Variants in CEMIP observed in about 807,000 individuals in gnomAD.
CEMIP encodes the protein cell migration inducing hyaluronidase 1, also known as cell migration-inducing and hyaluronan-binding protein.
Under a neutral mutation model 156.9 loss-of-function variants are expected in CEMIP, and 105 were observed. The observed-to-expected ratio is 0.67, with a 90% CI of 0.57 to 0.79. CEMIP has a LOEUF of 0.79. Among genes scored for constraint, CEMIP ranks in the 30% least tolerant of loss-of-function variants. The probability of loss-of-function intolerance (pLI) is 0.00; values close to 1 mark genes in which losing one functional copy is unlikely to be tolerated. For missense variants in CEMIP, 1,457 were observed against 1,769.4 expected (o/e 0.82, Z 3.17); for synonymous variants, 676 against 668.4 (o/e 1.01, Z -0.17).
intron 1 of CEMIP, among the ~76,000 whole-genome samples, chr15:80,810,987 C>T (rs1458375394): frequency 6.6e-6 from 1 of 152,148 alleles, no homozygotes; most frequent in African/African-American, 2.4e-5. Flanking sequence ...ACCAACCTAC[C>T]CATCACGCAG....
chr15:80,903,472 G>A (rs1316872062), intron 12 of CEMIP, among the ~76,000 whole-genome samples: 5 of 152,210 alleles, frequency 3.3e-5, no homozygotes, highest in Admixed American at 2.0e-4. Flanking sequence ...GAAGCTCTGA[G>A]ATGTAAAATA....
intron 1 of CEMIP, among the ~76,000 whole-genome samples, chr15:80,801,296 A>T (rs1417019369): frequency 6.6e-6 from 1 of 152,182 alleles, no homozygotes; most frequent in Admixed American, 6.5e-5. Context: ...TCTGTTTTGT[A>T]TCTATCGGCA....
At chr15:80,926,218 T>C (rs8030638) in intron 19 of CEMIP, among the ~76,000 whole-genome samples, 56,548 of 152,122 alleles carry the variant, frequency 0.37, 12,995 homozygotes, top group African/African-American at 0.65. Flanking sequence ...CGCAGTTAGC[T>C]AGAGTTTGAA....
At chr15:80,844,576 G>T (rs1244067293) in intron 1 of CEMIP, among the ~76,000 whole-genome samples, 1 of 152,182 alleles carries the variant, frequency 6.6e-6, no homozygotes, top group Non-Finnish European at 1.5e-5. Flanking sequence ...GCTCAGAGAG[G>T]AATGTCTATT....
intron 17 of CEMIP, among the ~76,000 whole-genome samples, chr15:80,922,516 T>A (rs147195118): frequency 6.6e-6 from 1 of 152,254 alleles, no homozygotes; most frequent in East Asian, 1.9e-4. Flanking sequence ...TTAGGCCTGA[T>A]CCATAAGCTG....
intron 3 of CEMIP, among the ~76,000 whole-genome samples, chr15:80,874,611 C>A (rs1898409615): frequency 6.6e-6 from 1 of 152,200 alleles, no homozygotes; most frequent in African/African-American, 2.4e-5. Flanking sequence ...CTGTAATGCT[C>A]TAAGCCAGGT....
chr15:80,873,006 A>G (rs1038652688), intron 1 of CEMIP, among the ~76,000 whole-genome samples: 1 of 152,138 alleles, frequency 6.6e-6, no homozygotes, highest in Non-Finnish European at 1.5e-5. Flanking sequence ...CAGCCATCAC[A>G]TCTTCTTTCC....
intron 14 of CEMIP, among the ~76,000 whole-genome samples, chr15:80,911,614 A>G (rs1465876433): frequency 6.6e-6 from 1 of 152,186 alleles, no homozygotes; most frequent in Non-Finnish European, 1.5e-5. Flanking sequence ...GACCACTGGC[A>G]AGCTACTTGA....
Position 80,880,992 on chromosome 15 carries a change from AG to A in CEMIP, c.474del (p.Lys158AsnfsTer7). 1.2e-6 allele frequency: 2 copies of A among 1,614,178 alleles called. No homozygotes were observed. The highest frequency in any genetic ancestry group is 1.7e-6 in the Non-Finnish European group (2 of 1,180,022). ...GCTCTTGAGTTGCATGGACAGAAAA[AG>A]CTCTCCTGGACATTTCTGAACAAGA... ...GGALELHGQKKLSWTFLNKTL... is the reference protein window; with the variant it reads ...GGALELHGQKXLSWTFLNKTL... On this transcript the variant is annotated frameshift_variant, in exon 6 of 30. Coordinates refer to ENST00000394685, the MANE Select transcript of CEMIP (RefSeq NM_001293298.2). LOFTEE classifies it high-confidence loss of function.
chr15:80,790,258 G>C (rs902462351), intron 1 of CEMIP, among the ~76,000 whole-genome samples: 1 of 152,182 alleles, frequency 6.6e-6, no homozygotes, highest in Non-Finnish European at 1.5e-5. Flanking sequence ...TGAGTCCTGC[G>C]TCTGAACACC....
At chr15:80,839,406 G>C (rs1053833202) in intron 1 of CEMIP, among the ~76,000 whole-genome samples, 1 of 151,960 alleles carries the variant, frequency 6.6e-6, no homozygotes, top group Non-Finnish European at 1.5e-5. Flanking sequence ...TGTCCCAAGT[G>C]GGGGAGGGAG....
At chr15:80,929,411 G>A (rs370079419) in intron 21 of CEMIP, among the ~76,000 whole-genome samples, 13 of 152,320 alleles carry the variant, frequency 8.5e-5, no homozygotes, top group East Asian at 5.8e-4. Flanking sequence ...ATCAAAATGC[G>A]TAATGCATTC....
At chr15:80,907,413 A>G (rs973102490) in intron 13 of CEMIP, among the ~76,000 whole-genome samples, 2 of 152,082 alleles carry the variant, frequency 1.3e-5, no homozygotes, top group Non-Finnish European at 2.9e-5. Context: ...AAATACAAAA[A>G]TTAGCTGGGC....
chr15:80,833,723 C>T (rs1897209550), intron 1 of CEMIP, among the ~76,000 whole-genome samples: 1 of 148,006 alleles, frequency 6.8e-6, no homozygotes, highest in Non-Finnish European at 1.5e-5. Flanking sequence ...GGCTGGAGTG[C>T]AGTGGCATGA....
At position 80,909,837 on chromosome 15, in the gene CEMIP, T is replaced by C. The variant is rs1357077242; in HGVS notation, c.1797+531T>C. Reference sequence around the variant, plus strand: ...TTCCACAGATAATTTTCGTACTAAATTGACCTTTCTCGAAGTGAACTACAT... The same window carrying C: ...TTCCACAGATAATTTTCGTACTAAACTGACCTTTCTCGAAGTGAACTACAT... On this transcript the variant is annotated intron_variant, in intron 14 of 29. Transcript: ENST00000394685. 24 of 351,366 alleles carry C rather than the reference T, an allele frequency of 6.8e-5. 1 individual carries two copies. Among genetic ancestry groups the C allele is most frequent in the South Asian group, 5.0e-4 (23 of 45,748 alleles). The allele number at this position is 351,366 out of a possible 1,614,324, so 21.8% of individuals were successfully genotyped here.
intron 1 of CEMIP, among the ~76,000 whole-genome samples, chr15:80,803,787 A>G (rs1373993670): frequency 6.6e-6 from 1 of 152,230 alleles, no homozygotes; most frequent in East Asian, 1.9e-4. Flanking sequence ...ACAGGTCTCT[A>G]CTTTGCCTCT....
At chr15:80,842,196 T>G (rs1897440443) in intron 1 of CEMIP, 1 of 403,270 alleles carries the variant, frequency 2.5e-6, no homozygotes, top group African/African-American at 2.2e-5. Context: ...TTTTACCTAT[T>G]CTCTTTTAAA....
Position 80,950,872 on chromosome 15 carries a change from A to ACT in CEMIP, c.*1951_*1952dup, listed in dbSNP as rs1423657690. ...ATCCCCTTTCCTGCCCCAACCACAA[A>ACT]CTCTTTCCTTCAAAGAGGGCCTGCC... On this transcript the variant is annotated 3_prime_UTR_variant, in exon 30 of 30. Transcript: ENST00000394685. The ACT allele has an allele frequency of 6.6e-6, 1 of 152,364 alleles. No individual in the cohort carries two copies. Among genetic ancestry groups the ACT allele is most frequent in the African/African-American group, 2.4e-5 (1 of 41,292 alleles). 9.4% of individuals were successfully genotyped at this position (152,364 alleles called of 1,614,324 possible). A position where few individuals can be genotyped will look rare whatever the true frequency, so the allele number is the denominator to read the frequency against.
chr15:80,887,827 G>GAACATCTCTGATGTT, intron 8 of CEMIP, 63 bp downstream of exon 8: 1 of 1,341,172 alleles, frequency 7.5e-7, no homozygotes, highest in Non-Finnish European at 1.1e-6. Context: ...GAGGTGCAGG[G>GAACATCTCTGATGTT]CTTTTCTGAA....
Sources: gnomAD v4.1 joint callset for allele counts (sites outside exome capture counted in the v4.1 genomes callset) on GRCh38, gnomAD v4.1.1 for gene constraint, MANE v1.5 for transcripts, NCBI Gene and HGNC (gene_info 2026-07-23, HGNC 2026-07-21) for gene names.